The following AMD1 variants were observed in gnomAD, a reference collection of about 807,000 sequenced individuals.
AMD1 encodes the protein adenosylmethionine decarboxylase 1.
A neutral mutation model predicts 40.2 loss-of-function variants in AMD1; 11 were observed. The ratio of observed to expected loss-of-function variants is 0.27; its 90% CI spans 0.17 to 0.45. AMD1 has a LOEUF of 0.45. Among genes scored for constraint, AMD1 ranks in the 20% least tolerant of loss-of-function variants. The pLI is 1.00. For missense variants in AMD1, 257 were observed against 410.2 expected (o/e 0.63, Z 3.23); for synonymous variants, 121 against 130.8 (o/e 0.93, Z 0.51).
intron 4 of AMD1, 36 bp downstream of exon 4, chr6:110,890,392 T>C: frequency 6.8e-7 from 1 of 1,470,044 alleles, no homozygotes; most frequent in Non-Finnish European, 9.3e-7. Flanking sequence ...GTTGTCTTCT[T>C]AAAGATAGAA....
chr6:110,815,044 G>T, the AMD1 span: 1 of 1,604,648 alleles, frequency 6.2e-7, no homozygotes, highest in Non-Finnish European at 8.5e-7. Flanking sequence ...CGTGACCGTA[G>T]GTGCCGCGTC....
At chr6:110,855,215 T>A in the AMD1 span, among the ~76,000 whole-genome samples, 1 of 151,830 alleles carries the variant, frequency 6.6e-6, no homozygotes, top group South Asian at 2.1e-4. Context: ...TTTAAGAACC[T>A]TGAGATCAAA....
the AMD1 span, among the ~76,000 whole-genome samples, chr6:110,829,668 C>CA: frequency 6.7e-6 from 1 of 149,510 alleles, no homozygotes; most frequent in Non-Finnish European, 1.5e-5. Flanking sequence ...GACTCTGTCT[C>CA]AAAAAATAAT....
the AMD1 span, among the ~76,000 whole-genome samples, chr6:110,848,028 T>C: frequency 0.035 from 5,364 of 151,920 alleles, 138 homozygotes; most frequent in Middle Eastern, 0.078. Context: ...AATTTCCTTC[T>C]AGCCACACCT....
chr6:110,821,937 G>A, the AMD1 span, among the ~76,000 whole-genome samples: 4 of 152,046 alleles, frequency 2.6e-5, no homozygotes, highest in Non-Finnish European at 4.4e-5. Context: ...AACCAAACCC[G>A]AAGCTAGCAG....
At chr6:110,861,053 C>A in the AMD1 span, among the ~76,000 whole-genome samples, 8 of 151,662 alleles carry the variant, frequency 5.3e-5, no homozygotes, top group African/African-American at 1.9e-4. Context: ...AGTCTCTACA[C>A]AAAACACAAA....
chr6:110,877,832 G>A (rs577492943), intron 1 of AMD1, among the ~76,000 whole-genome samples: 3 of 152,234 alleles, frequency 2.0e-5, no homozygotes, highest in Non-Finnish European at 4.4e-5. Flanking sequence ...TAAACTAAAA[G>A]TAGGTTAAAA....
In AMD1 at chr6:110,892,175, T is replaced by C; in HGVS notation, c.442T>C (p.Cys148Arg). Residue 148 changes from cysteine (C) to arginine (R), a missense_variant, in exon 5 of 9, where the codon TGT becomes CGT. By Grantham distance (180) the Cys-to-Arg change is radical. This residue lies in a region of AMD1 where 192 missense variants were observed against 296.5 expected (regional missense o/e 0.65). Coordinates refer to ENST00000368885, the MANE Select transcript of AMD1 (RefSeq NM_001634.6). ...NAIFPNGAAY[C>R]MGRMNSDCWY... ...TCCCTCAACAGATGGAGCAGCATAT[T>C]GTATGGGACGTATGAATTCTGACTG... The C allele has an allele frequency of 6.2e-7, 1 of 1,613,918 alleles. No homozygotes were observed. The highest frequency in any genetic ancestry group is 8.5e-7 in the Non-Finnish European group (1 of 1,180,036).
the AMD1 span, among the ~76,000 whole-genome samples, chr6:110,855,065 C>CTTTTTTTTTTTTTTTTTTTT: frequency 1.1e-4 from 9 of 80,460 alleles, no homozygotes; most frequent in South Asian, 5.5e-4. Flanking sequence ...CTCTCTCTCT[C>CTTTTTTTTTTTTTTTTTTTT]TTTTTTTTTT....
rs1303569020 is a variant in AMD1, at chr6:110,894,651, T to A, written c.*1035T>A. On this transcript the variant is annotated 3_prime_UTR_variant, in exon 9 of 9. Transcript: ENST00000368885. ...TAGCATAATTTTGTTCTGGATTCAG[T>A]AAATCAAGTCAGCTTGGATCATTCA... 6.6e-6 allele frequency: 1 copy of A among 152,240 alleles called. No homozygotes were observed. Among genetic ancestry groups the A allele is most frequent in the Non-Finnish European group, 1.5e-5 (1 of 68,036 alleles). 9.4% of individuals were successfully genotyped at this position (152,240 alleles called of 1,614,324 possible). A position where few individuals can be genotyped will look rare whatever the true frequency, so the allele number is the denominator to read the frequency against.
chr6:110,894,513 CAT>C lies in AMD1; in HGVS notation c.*899_*900del, dbSNP rs1396193260. 1 of 152,184 alleles carries C rather than the reference CAT, an allele frequency of 6.6e-6. No individual in the cohort carries two copies. Among genetic ancestry groups the C allele is most frequent in the Admixed American group, 6.5e-5 (1 of 15,272 alleles). 9.4% of individuals were successfully genotyped at this position (152,184 alleles called of 1,614,324 possible). A position where few individuals can be genotyped will look rare whatever the true frequency, so the allele number is the denominator to read the frequency against. On this transcript the variant is annotated 3_prime_UTR_variant, in exon 9 of 9. Coordinates refer to ENST00000368885, the MANE Select transcript of AMD1 (RefSeq NM_001634.6). ...GGTGTACTGGCTGAACTGTGGAAAA[CAT>C]ACAATTCTGTGTTCCTCAGTAAATG...
the AMD1 span, among the ~76,000 whole-genome samples, chr6:110,852,537 A>G: frequency 6.6e-6 from 1 of 152,078 alleles, no homozygotes. Flanking sequence ...AATTCTTAAT[A>G]TTATGTAGCT....
the AMD1 span, among the ~76,000 whole-genome samples, chr6:110,819,984 T>G: frequency 6.6e-6 from 1 of 152,286 alleles, no homozygotes; most frequent in Admixed American, 6.5e-5. Context: ...CCATAGCAAC[T>G]TGAGAAGTTA....
chr6:110,838,901 T>C, the AMD1 span, among the ~76,000 whole-genome samples: 4 of 152,120 alleles, frequency 2.6e-5, no homozygotes, highest in Non-Finnish European at 5.9e-5. Context: ...CCCAAGTAGC[T>C]GGGATTATAG....
At chr6:110,820,369 T>C in the AMD1 span, among the ~76,000 whole-genome samples, 1 of 151,828 alleles carries the variant, frequency 6.6e-6, no homozygotes, top group Non-Finnish European at 1.5e-5. Flanking sequence ...CCCAGGTAGC[T>C]GGGATTATAG....
At chr6:110,869,231 C>T in the AMD1 span, among the ~76,000 whole-genome samples, 79 of 151,434 alleles carry the variant, frequency 5.2e-4, no homozygotes, top group African/African-American at 1.7e-3. Flanking sequence ...CCCGGGGTCC[C>T]GCCATTCTCC....
chr6:110,824,338 G>T, the AMD1 span, among the ~76,000 whole-genome samples: 1 of 152,260 alleles, frequency 6.6e-6, no homozygotes, highest in Non-Finnish European at 1.5e-5. Context: ...CCAAAATACT[G>T]TATGTTCCCA....
chr6:110,893,462 A>AT lies in AMD1; in HGVS notation c.865-8dup, dbSNP rs749045066. The AT allele has an allele frequency of 9.3e-6, 15 of 1,611,930 alleles. No homozygotes were observed. The African/African-American group carries it at 1.1e-4, about 11-fold the overall frequency. On this transcript the variant is annotated splice_polypyrimidine_tract_variant and intron_variant, in intron 8 of 8. Coordinates refer to ENST00000368885, the MANE Select transcript of AMD1 (RefSeq NM_001634.6). Reference sequence around the variant, plus strand: ...GATTGCAAACACTAACGGTTATTTAATTTTTTCCCCCAGAGTTCTAAATGT... The same window carrying AT: ...GATTGCAAACACTAACGGTTATTTAATTTTTTTCCCCCAGAGTTCTAAATGT...
chr6:110,859,082 G>A, the AMD1 span: 364 of 1,284,842 alleles, frequency 2.8e-4, no homozygotes, highest in Non-Finnish European at 3.8e-4. Context: ...GGGCTCCCTC[G>A]GGCGCGCAGG....
Sources: allele counts gnomAD v4.1 joint callset (sites outside exome capture counted in the v4.1 genomes callset), GRCh38; gene constraint gnomAD v4.1.1; regional missense constraint gnomAD v4.1.1; transcripts MANE v1.5; gene names NCBI Gene and HGNC (gene_info 2026-07-23, HGNC 2026-07-21).